Variants in STAG1 observed in about 807,000 individuals in gnomAD.
STAG1 encodes the protein STAG1 cohesin complex component.
In STAG1, 26 loss-of-function variants were observed where a neutral mutation model predicts 170.9. That is an observed-to-expected ratio of 0.15 (90% CI 0.11 to 0.21). The LOEUF is 0.21. Ranked by LOEUF, STAG1 falls within the 10% of genes least tolerant of loss-of-function variation. The probability of loss-of-function intolerance (pLI) is 1.00; values close to 1 mark genes in which losing one functional copy is unlikely to be tolerated. For missense variants in STAG1, 964 were observed against 1,509.5 expected (o/e 0.64, Z 5.99); for synonymous variants, 514 against 497.7 (o/e 1.03, Z -0.44).
chr3:136,589,312 AAC>A, intron 4 of STAG1, among the ~76,000 whole-genome samples: 1 of 152,050 alleles, frequency 6.6e-6, no homozygotes, highest in East Asian at 2.0e-4. Context: ...CAGCCTGACC[AAC>A]ATGGTGAAAC....
intron 15 of STAG1, among the ~76,000 whole-genome samples, chr3:136,440,498 A>G (rs937051868): frequency 1.3e-5 from 2 of 151,748 alleles, no homozygotes; most frequent in Admixed American, 1.3e-4. Flanking sequence ...ATGGGGTGAT[A>G]TACAGAAAAT....
chr3:136,423,610 T>C (rs371140835), intron 16 of STAG1, among the ~76,000 whole-genome samples: 2 of 152,236 alleles, frequency 1.3e-5, no homozygotes, highest in East Asian at 3.8e-4. Flanking sequence ...CTTTAGCCTG[T>C]ATCCAACATG....
intron 1 of STAG1, among the ~76,000 whole-genome samples, chr3:136,732,822 C>T (rs1576826249): frequency 2.6e-5 from 4 of 152,026 alleles, no homozygotes; most frequent in Admixed American, 2.6e-4. Flanking sequence ...CTTGGCCACA[C>T]TGATCTCAAA....
At chr3:136,364,165 C>T (rs949789221) in intron 25 of STAG1, among the ~76,000 whole-genome samples, 30 of 152,118 alleles carry the variant, frequency 2.0e-4, no homozygotes, top group Non-Finnish European at 1.8e-4. Flanking sequence ...TCACTACAAC[C>T]TCTGCCTCCT....
chr3:136,438,365 A>T (rs981095654), intron 15 of STAG1, among the ~76,000 whole-genome samples: 1 of 151,466 alleles, frequency 6.6e-6, no homozygotes, highest in African/African-American at 2.4e-5. Context: ...TGGGATGACA[A>T]GGCGCGTGCC....
intron 1 of STAG1, among the ~76,000 whole-genome samples, chr3:136,684,981 T>G (rs989917184): frequency 2.0e-5 from 3 of 151,920 alleles, no homozygotes; most frequent in African/African-American, 7.3e-5. Flanking sequence ...AAAGGTACAA[T>G]CAATGAAAGA....
intron 4 of STAG1, among the ~76,000 whole-genome samples, chr3:136,586,555 T>A (rs1937836128): frequency 6.6e-6 from 1 of 152,176 alleles, no homozygotes; most frequent in South Asian, 2.1e-4. Context: ...CTAAGAAAAT[T>A]CCTATTTAAA....
At chr3:136,690,314 G>C (rs1245364646) in intron 1 of STAG1, among the ~76,000 whole-genome samples, 1 of 152,178 alleles carries the variant, frequency 6.6e-6, no homozygotes, top group African/African-American at 2.4e-5. Context: ...TCAGCACTTT[G>C]CAACCTCCAC....
At chr3:136,575,661 A>G (rs1203193305) in intron 4 of STAG1, among the ~76,000 whole-genome samples, 6 of 152,232 alleles carry the variant, frequency 3.9e-5, no homozygotes, top group Non-Finnish European at 7.3e-5. Context: ...ATCACAGATT[A>G]TAGACACACA....
rs887294114 is a variant in STAG1 at position 136,461,635 on chromosome 3, A to G, written c.1313+3246T>C. Among the ~76,000 whole-genome samples, 4 of 152,010 alleles carry G rather than the reference A, an allele frequency of 2.6e-5. No individual in the cohort carries two copies. The South Asian group carries it at 8.3e-4, about 31-fold the overall frequency. ...AAGAAAACACTGGGGATTCTTAAGAATATTAGTCTGGGTAGAGTTTTGGGG... is the reference window on the plus strand; with the variant it reads ...AAGAAAACACTGGGGATTCTTAAGAGTATTAGTCTGGGTAGAGTTTTGGGG... On this transcript the variant is annotated intron_variant, in intron 13 of 33. Transcript: ENST00000383202.
chr3:136,723,919 G>A (rs1933489500), intron 1 of STAG1, among the ~76,000 whole-genome samples: 1 of 147,712 alleles, frequency 6.8e-6, no homozygotes, highest in Non-Finnish European at 1.5e-5. Context: ...CGCCCCGTCT[G>A]GGAGTGAGGT....
At chr3:136,472,588 A>T (rs2089653372) in intron 11 of STAG1, 96 bp from the exon 12 acceptor site, 1 of 760,326 alleles carries the variant, frequency 1.3e-6, no homozygotes, top group South Asian at 2.0e-5. Flanking sequence ...ATGCAATACT[A>T]ATGATAGGTT....
intron 1 of STAG1, among the ~76,000 whole-genome samples, chr3:136,731,993 C>T (rs899236463): frequency 6.6e-6 from 1 of 151,980 alleles, no homozygotes; most frequent in Non-Finnish European, 1.5e-5. Flanking sequence ...CTGATAAAGA[C>T]TTAACTTCAT....
intron 9 of STAG1, among the ~76,000 whole-genome samples, chr3:136,488,731 C>T (rs1217921143): frequency 6.6e-6 from 1 of 152,098 alleles, no homozygotes; most frequent in Non-Finnish European, 1.5e-5. Context: ...TCTTGCTCTC[C>T]AGGAACTAAT....
At chr3:136,642,882 T>C (rs2107848088) in intron 1 of STAG1, among the ~76,000 whole-genome samples, 1 of 152,320 alleles carries the variant, frequency 6.6e-6, no homozygotes, top group South Asian at 2.1e-4. Flanking sequence ...CAGATGTTCC[T>C]TGGCTTGTTG....
intron 3 of STAG1, among the ~76,000 whole-genome samples, chr3:136,611,657 GCTTT>G (rs1939285528): frequency 9.7e-6 from 1 of 103,064 alleles, no homozygotes; most frequent in Non-Finnish European, 1.9e-5. Context: ...ACCACACCCA[GCTTT>G]TTTTTTTTTT....
At chr3:136,726,299 C>T (rs960976280) in intron 1 of STAG1, among the ~76,000 whole-genome samples, 14 of 152,210 alleles carry the variant, frequency 9.2e-5, no homozygotes, top group African/African-American at 2.9e-4. Flanking sequence ...ACCATAATCC[C>T]TAGGTTTCTA....
Position 136,343,813 on chromosome 3 carries a change from A to G in STAG1, c.3446+19T>C, listed in dbSNP as rs376238432. The stretch of plus-strand genomic sequence containing the variant: ...TCTTTAAAGGCTTTTTGTGAAAAAG[A>G]CAAATTTTTGCTACTTACTTGTGTA... On this transcript the variant is annotated intron_variant, in intron 30 of 33. Transcript: ENST00000383202. The G allele has an allele frequency of 6.1e-5, 92 of 1,505,914 alleles. No individual in the cohort carries two copies. The highest frequency in any genetic ancestry group is 7.7e-5 in the Non-Finnish European group (87 of 1,126,478). The allele number at this position is 1,505,914 out of a possible 1,614,324, so 93.3% of individuals were successfully genotyped here.
chr3:136,353,027 A>T (rs1489930400), intron 28 of STAG1, among the ~76,000 whole-genome samples: 1 of 152,202 alleles, frequency 6.6e-6, no homozygotes, highest in Non-Finnish European at 1.5e-5. Context: ...ATCAATTTTA[A>T]AACAGAACCA....
Sources: gnomAD v4.1 joint callset for allele counts (sites outside exome capture counted in the v4.1 genomes callset) on GRCh38, gnomAD v4.1.1 for gene constraint, MANE v1.5 for transcripts, NCBI Gene and HGNC (gene_info 2026-07-23, HGNC 2026-07-21) for gene names.